The following EPRS1 variants were observed in gnomAD, a reference collection of about 807,000 sequenced individuals.
The protein encoded by EPRS1 is glutamyl-prolyl-tRNA synthetase 1, also known as bifunctional glutamate/proline--tRNA ligase.
In EPRS1, 107 loss-of-function variants were observed where a neutral mutation model predicts 188.3. The ratio of observed to expected loss-of-function variants is 0.57; its 90% CI spans 0.49 to 0.67. The LOEUF (loss-of-function observed/expected upper bound fraction) is 0.67. Among genes scored for constraint, EPRS1 ranks in the 30% least tolerant of loss-of-function variants. The pLI is 0.00. For missense variants in EPRS1, 1,577 were observed against 1,802.2 expected, an observed-to-expected ratio of 0.88 and a Z score of 2.26; for synonymous variants, 596 against 593.1, an observed-to-expected ratio of 1.00 and a Z score of -0.07.
At chr1:219,971,906 AATTAG>A (rs1403853690) in intron 30 of EPRS1, among the ~76,000 whole-genome samples, 158 bp downstream of exon 30, 1 of 149,254 alleles carries the variant, frequency 6.7e-6, no homozygotes, top group Non-Finnish European at 1.5e-5. Context: ...AAGACTATAT[AATTAG>A]ATTATATATT....
At chr1:219,974,103 CT>C (rs1475578951) in intron 28 of EPRS1, among the ~76,000 whole-genome samples, 1 of 152,092 alleles carries the variant, frequency 6.6e-6, no homozygotes, top group Non-Finnish European at 1.5e-5. Context: ...ACCACCATGC[CT>C]GGCTAATTTT....
intron 21 of EPRS1, 114 bp from the exon 22 acceptor site, chr1:219,983,512 C>A: frequency 2.9e-6 from 2 of 679,646 alleles, no homozygotes; most frequent in Non-Finnish European, 5.0e-6. Context: ...TTGATAACAT[C>A]CCCTTAATGT....
At chr1:219,995,821 A>G (rs2647469) in intron 18 of EPRS1, among the ~76,000 whole-genome samples, 121,938 of 152,068 alleles carry the variant, frequency 0.8, 49,058 homozygotes, top group East Asian at 0.93. Flanking sequence ...TTCATGTCAG[A>G]TGCCAGCAAC....
chr1:220,011,466 T>C (rs1207470716), intron 12 of EPRS1, among the ~76,000 whole-genome samples: 3 of 152,264 alleles, frequency 2.0e-5, no homozygotes, highest in Non-Finnish European at 4.4e-5. Context: ...TGGATATTTT[T>C]GTTTCAGTAT....
Position 220,034,955 on chromosome 1 carries a change from T to G in EPRS1, c.190A>C (p.Thr64Pro). 6.2e-7 allele frequency: 1 copy of G among 1,602,052 alleles called. No homozygotes were observed. Among genetic ancestry groups the G allele is most frequent in the Non-Finnish European group, 8.5e-7 (1 of 1,171,754 alleles). Residue 64 changes from threonine (T) to proline (P), a missense_variant, in exon 3 of 32, where the codon ACA (threonine) becomes CCA (proline). By Grantham distance (38) the Thr-to-Pro change is conservative. Coordinates refer to ENST00000366923, the MANE Select transcript of EPRS1 (RefSeq NM_004446.3). ...AGATTAGAGCCATATAACCCAGCTG[T>G]AGTTGCAACTCTAGCCAAGTAGCGA... ...ILRYLARVAT[T>P]AGLYGSNLME...
chr1:219,998,365 TA>T (rs201871775), intron 17 of EPRS1, among the ~76,000 whole-genome samples: 1 of 151,750 alleles, frequency 6.6e-6, no homozygotes, highest in Non-Finnish European at 1.5e-5. Flanking sequence ...GGCATGTCAG[TA>T]AAAAAAACCC....
At chr1:220,021,366 T>A (rs879008943) in intron 9 of EPRS1, among the ~76,000 whole-genome samples, 2 of 151,904 alleles carry the variant, frequency 1.3e-5, no homozygotes, top group African/African-American at 4.8e-5. Flanking sequence ...TTTTTTTTTT[T>A]AATTTATTTT....
Position 219,997,803 on chromosome 1 carries a change from G to GA in EPRS1, c.2182-462dup, listed in dbSNP as rs1661265463. ...TAAAGCCCTTAGTCACAAAGGCTGA[G>GA]AAAAAGTGAATATCAATAAGCATTA... On this transcript the variant is annotated intron_variant, in intron 17 of 31. Transcript: ENST00000366923. Among the ~76,000 whole-genome samples the GA allele has an allele frequency of 3.9e-5, 6 of 152,228 alleles. No homozygotes were observed. In the South Asian group the frequency reaches 1.2e-3, roughly 32 times the overall value.
chr1:220,018,589 A>G, intron 11 of EPRS1, 81 bp from the exon 12 acceptor site: 1 of 695,830 alleles, frequency 1.4e-6, no homozygotes, highest in East Asian at 2.9e-5. Flanking sequence ...AAGCATGTTT[A>G]GAAAAAAAAA....
intron 4 of EPRS1, among the ~76,000 whole-genome samples, chr1:220,032,891 T>C (rs1462826842): frequency 6.6e-6 from 1 of 152,162 alleles, no homozygotes; most frequent in African/African-American, 2.4e-5. Flanking sequence ...TGTGTGTATG[T>C]ATATATACAC....
At position 219,979,438 on chromosome 1, in the gene EPRS1, G is replaced by A. The variant is rs774971626; in HGVS notation, c.3889C>T (p.Pro1297Ser). ...CTTACCTGAACACATGCTACACGGG[G>A]TGGTAATACTAAACCCATGTTGTCC... The part of the protein sequence containing the change: ...HGDNMGLVLP[P>S]RVACVQVVII... The change falls in exon 27 of 32, where the codon CCC becomes TCC. Residue 1297 changes from proline to serine, a missense_variant. Around this residue, in one of 3 missense-constraint regions of EPRS1, gnomAD observed 296 missense variants for 327.9 expected, o/e 0.90. Transcript: ENST00000366923. 8 of 1,612,970 alleles carry A rather than the reference G, an allele frequency of 5.0e-6. No homozygotes were observed. The South Asian group carries it at 7.7e-5, about 16-fold the overall frequency.
chr1:220,033,518 A>G lies in EPRS1; in HGVS notation c.372T>C (p.Val124=), dbSNP rs1662123498. Residue 124 remains valine, a synonymous_variant, in exon 4 of 32, where the codon GTT becomes GTC. Coordinates refer to ENST00000366923, the MANE Select transcript of EPRS1 (RefSeq NM_004446.3). ...GNSLSLADLC[V]WATLKGNAAW... ...TATTGATACCTTTTAGGGTGGCCCA[A>G]ACACATAAATCTGCTAAACTCAAGG... 1 of 1,610,100 alleles carries G rather than the reference A, an allele frequency of 6.2e-7. No homozygotes were observed. Among genetic ancestry groups the G allele is most frequent in the Non-Finnish European group, 8.5e-7 (1 of 1,178,262 alleles).
chr1:220,012,499 G>C (rs147496523), intron 12 of EPRS1, among the ~76,000 whole-genome samples: 157 of 152,328 alleles, frequency 1.0e-3, no homozygotes, highest in African/African-American at 3.6e-3. Context: ...CACAGATTCT[G>C]AGACAACTTG....
intron 2 of EPRS1, among the ~76,000 whole-genome samples, chr1:220,039,589 G>T (rs1310874428): frequency 6.6e-6 from 1 of 151,110 alleles, no homozygotes; most frequent in Admixed American, 6.6e-5. Flanking sequence ...CGCGTTCTCG[G>T]TTTACTGCAA....
intron 17 of EPRS1, among the ~76,000 whole-genome samples, chr1:219,998,859 T>C (rs991013395): frequency 6.6e-6 from 1 of 151,402 alleles, no homozygotes; most frequent in African/African-American, 2.4e-5. Flanking sequence ...TACATTTAAT[T>C]TGCAACATAA....
chr1:219,985,744 A>T (rs1660995114), intron 20 of EPRS1, among the ~76,000 whole-genome samples: 1 of 152,198 alleles, frequency 6.6e-6, no homozygotes, highest in Non-Finnish European at 1.5e-5. Context: ...TTGCAGAGAT[A>T]GATGCTTGTA....
intron 24 of EPRS1, 40 bp from the exon 25 acceptor site, chr1:219,980,897 C>G: frequency 7.1e-7 from 1 of 1,401,304 alleles, no homozygotes; most frequent in Non-Finnish European, 9.7e-7. Flanking sequence ...TTATAAAGAG[C>G]TTTTCAATTT....
chr1:219,981,231 A>G, intron 24 of EPRS1, 147 bp downstream of exon 24: 1 of 530,042 alleles, frequency 1.9e-6, no homozygotes, highest in Non-Finnish European at 3.2e-6. Context: ...TTATATAATA[A>G]GTAATCAAAA....
chr1:220,003,862 G>A (rs997849737), intron 16 of EPRS1, among the ~76,000 whole-genome samples: 2 of 152,162 alleles, frequency 1.3e-5, no homozygotes, highest in African/African-American at 4.8e-5. Context: ...GGCCATTCCA[G>A]GAAAAGGCAT....
Sources: gnomAD v4.1 joint callset for allele counts (sites outside exome capture counted in the v4.1 genomes callset) on GRCh38, gnomAD v4.1.1 for gene constraint, gnomAD v4.1.1 regional missense constraint, MANE v1.5 for transcripts, NCBI Gene and HGNC (gene_info 2026-07-23, HGNC 2026-07-21) for gene names.